Variants in MACROD2 observed in about 807,000 individuals in gnomAD.
MACROD2 encodes mono-ADP ribosylhydrolase 2.
Under a neutral mutation model 70.4 loss-of-function variants are expected in MACROD2, and 36 were observed. The observed-to-expected ratio is 0.51, with a 90% CI of 0.39 to 0.68. The LOEUF (loss-of-function observed/expected upper bound fraction) is 0.68. Ranked by LOEUF, MACROD2 falls within the 30% of genes least tolerant of loss-of-function variation. The probability of loss-of-function intolerance (pLI) is 0.00; values close to 1 mark genes in which losing one functional copy is unlikely to be tolerated. For synonymous variants in MACROD2, 172 were observed against 178.8 expected, an observed-to-expected ratio of 0.96 and a Z score of 0.30; for missense variants, 496 against 538.4, an observed-to-expected ratio of 0.92 and a Z score of 0.78.
intron 3 of MACROD2, among the ~76,000 whole-genome samples, chr20:14,391,894 G>A (rs775423863): frequency 2.0e-5 from 3 of 149,716 alleles, no homozygotes; most frequent in Non-Finnish European, 4.4e-5. Context: ...TGGATGATGG[G>A]ACATTTGTAC....
chr20:14,877,839 A>T (rs1311264127), intron 5 of MACROD2, among the ~76,000 whole-genome samples: 3 of 151,948 alleles, frequency 2.0e-5, no homozygotes, highest in Non-Finnish European at 4.4e-5. Flanking sequence ...GATCATGGTG[A>T]ATTAACTTTT....
intron 8 of MACROD2, among the ~76,000 whole-genome samples, chr20:15,735,854 C>T (rs1262367023): frequency 6.6e-6 from 1 of 152,150 alleles, no homozygotes; most frequent in Admixed American, 6.5e-5. Flanking sequence ...CAAATCAGTG[C>T]AGATTATAGA....
chr20:15,821,764 GGATGTGCATA>G (rs1226154048), intron 8 of MACROD2, among the ~76,000 whole-genome samples: 1 of 152,148 alleles, frequency 6.6e-6, no homozygotes, highest in African/African-American at 2.4e-5. Context: ...AGTAACAGGA[GGATGTGCATA>G]GATTATATGC....
intron 3 of MACROD2, chr20:14,325,119 T>A (rs925245890): frequency 6.5e-6 from 1 of 152,984 alleles, no homozygotes; most frequent in South Asian, 2.1e-4. Flanking sequence ...AGCCAGTTTT[T>A]TTTTTTTACA....
intron 8 of MACROD2, among the ~76,000 whole-genome samples, chr20:15,561,792 T>C (rs756225267): frequency 5.3e-5 from 8 of 152,068 alleles, no homozygotes; most frequent in African/African-American, 1.2e-4. Flanking sequence ...ATGTGAACCC[T>C]GGGGCGTGCC....
intron 5 of MACROD2, among the ~76,000 whole-genome samples, chr20:14,686,069 G>T (rs1269964692): frequency 6.6e-6 from 1 of 151,896 alleles, no homozygotes; most frequent in Non-Finnish European, 1.5e-5. Flanking sequence ...ATCCTATATT[G>T]TTCATAATGG....
chr20:14,829,875 T>G (rs1258346339), intron 5 of MACROD2, among the ~76,000 whole-genome samples: 5 of 152,188 alleles, frequency 3.3e-5, no homozygotes, highest in Non-Finnish European at 5.9e-5. Context: ...ATGTGCTTTT[T>G]ATTGTATAAA....
At chr20:14,299,412 C>T (rs2082455663) in intron 3 of MACROD2, among the ~76,000 whole-genome samples, 1 of 152,052 alleles carries the variant, frequency 6.6e-6, no homozygotes. Context: ...AAACCAGAAA[C>T]GTGACCCACT....
Position 14,228,928 on chromosome 20 carries a change from A to G in MACROD2, c.271+143200A>G, listed in dbSNP as rs111245871. ...AGGTTGAGGCACAAGAATTGCTTGA[A>G]CCTGGGAGGCAGCAGAGGTTGCAGT... is the stretch of plus-strand genomic sequence containing the variant. On this transcript the variant is annotated intron_variant, in intron 3 of 17. Coordinates refer to ENST00000684519, the MANE Select transcript of MACROD2 (RefSeq NM_001351661.2). Among the ~76,000 whole-genome samples, 487 of 149,896 alleles carry G rather than the reference A, an allele frequency of 3.2e-3. 6 individuals are homozygous for G. The highest frequency in any genetic ancestry group is 0.011 in the African/African-American group (467 of 40,682).
intron 7 of MACROD2, among the ~76,000 whole-genome samples, chr20:15,464,286 G>A (rs1392548274): frequency 1.3e-5 from 2 of 152,078 alleles, no homozygotes; most frequent in African/African-American, 4.8e-5. Context: ...AACGTGTTGG[G>A]ATTACAGGCA....
intron 6 of MACROD2, among the ~76,000 whole-genome samples, chr20:15,258,555 T>G (rs2859877): frequency 1.3e-5 from 2 of 151,878 alleles, no homozygotes; most frequent in African/African-American, 4.8e-5. Flanking sequence ...GCAATAGACT[T>G]TACCATACAG....
In MACROD2 at chr20:15,654,849, G is replaced by T. The variant is rs186200406; in HGVS notation, c.645+155002G>T. Among the ~76,000 whole-genome samples, 4 of 152,300 alleles carry T rather than the reference G, an allele frequency of 2.6e-5. No individual in the cohort carries two copies. In the East Asian group the frequency reaches 7.7e-4, roughly 29 times the overall value. On this transcript the variant is annotated intron_variant, in intron 8 of 17. Transcript: ENST00000684519. ...AGAAATAAAATACCAAGCAGTCCTT[G>T]CTTTGTCCTTGTGAGTTGGGGCCCA...
chr20:15,171,419 ATC>A (rs919210850), intron 5 of MACROD2, among the ~76,000 whole-genome samples: 4 of 131,582 alleles, frequency 3.0e-5, no homozygotes, highest in African/African-American at 8.9e-5. Context: ...CTCCCCTTCC[ATC>A]TCTCCTTCAC....
intron 9 of MACROD2, among the ~76,000 whole-genome samples, chr20:15,881,680 A>G (rs175791): frequency 0.96 from 145,338 of 152,182 alleles, 69,628 homozygotes; most frequent in East Asian, 1. Flanking sequence ...TCTCATAATC[A>G]TGACCTTGGG....
chr20:14,934,387 T>C (rs546278316), intron 5 of MACROD2, among the ~76,000 whole-genome samples: 3 of 152,248 alleles, frequency 2.0e-5, no homozygotes, highest in African/African-American at 7.2e-5. Context: ...TACAAGCAGC[T>C]ATGAAGCTGT....
intron 6 of MACROD2, among the ~76,000 whole-genome samples, chr20:15,288,068 T>G (rs994087619): frequency 4.6e-5 from 7 of 152,358 alleles, no homozygotes; most frequent in Middle Eastern, 3.4e-3. Flanking sequence ...TTTTGCTTAT[T>G]TTGTTAATTT....
intron 4 of MACROD2, among the ~76,000 whole-genome samples, chr20:14,537,504 A>G (rs966446932): frequency 6.6e-6 from 1 of 152,106 alleles, no homozygotes; most frequent in Non-Finnish European, 1.5e-5. Flanking sequence ...AGCCTGCCCT[A>G]AACATGGACT....
At chr20:15,155,788 T>C (rs1426894167) in intron 5 of MACROD2, among the ~76,000 whole-genome samples, 2 of 152,174 alleles carry the variant, frequency 1.3e-5, no homozygotes, top group East Asian at 3.8e-4. Context: ...ACATAGGTGG[T>C]GATCTTCCTT....
intron 5 of MACROD2, among the ~76,000 whole-genome samples, chr20:14,763,352 A>C (rs768926069): frequency 1.3e-5 from 2 of 152,148 alleles, no homozygotes; most frequent in African/African-American, 4.8e-5. Flanking sequence ...GTGTACATGC[A>C]GTTGAATCTG....
Sources: gnomAD v4.1 joint callset for allele counts (sites outside exome capture counted in the v4.1 genomes callset) on GRCh38, gnomAD v4.1.1 for gene constraint, MANE v1.5 for transcripts, NCBI Gene and HGNC (gene_info 2026-07-23, HGNC 2026-07-21) for gene names.